Variants in NELL2 observed in about 807,000 individuals in gnomAD.
The protein encoded by NELL2 is protein kinase C-binding protein NELL2.
NELL2 carries 41 observed loss-of-function variants against 109.6 expected under a neutral mutation model. The ratio of observed to expected loss-of-function variants is 0.37; its 90% CI spans 0.29 to 0.49. The LOEUF is 0.49. Ranked by LOEUF, NELL2 falls within the 20% of genes least tolerant of loss-of-function variation. The pLI, the probability that NELL2 is intolerant of heterozygous loss-of-function variation, is 0.98. For synonymous variants in NELL2, 355 were observed against 344.7 expected (o/e 1.03, Z -0.33); for missense variants, 900 against 1,008.3 (o/e 0.89, Z 1.45).
chr12:44,593,180 T>A (rs994372856), intron 15 of NELL2, among the ~76,000 whole-genome samples: 2 of 151,848 alleles, frequency 1.3e-5, no homozygotes, highest in African/African-American at 4.8e-5. Flanking sequence ...GGAGTGGGAG[T>A]TAAGCTTAGG....
chr12:44,896,788 C>T (rs1472418891), intron 1 of NELL2, among the ~76,000 whole-genome samples: 1 of 152,108 alleles, frequency 6.6e-6, no homozygotes, highest in African/African-American at 2.4e-5. Flanking sequence ...ATGGATGACA[C>T]ACCAGAAGCA....
At chr12:44,806,125 T>G (rs1237250419) in intron 3 of NELL2, among the ~76,000 whole-genome samples, 1 of 151,516 alleles carries the variant, frequency 6.6e-6, no homozygotes, top group East Asian at 1.9e-4. Flanking sequence ...AAAAAAACCA[T>G]AAAAACTTAA....
rs191393994 is a variant in NELL2, at chr12:44,601,691, G to C, written c.1663+5478C>G. On this transcript the variant is annotated intron_variant, in intron 15 of 19. Transcript: ENST00000429094. ...AAAATTTACAAAATCATCATATCAG[G>C]TGTCATTTACTGAGTGCTTACCAAG... 1.4e-4 allele frequency among the ~76,000 whole-genome samples: 22 copies of C among 152,138 alleles called. No homozygotes were observed. The East Asian group carries it at 3.9e-3, about 27-fold the overall frequency.
intron 15 of NELL2, among the ~76,000 whole-genome samples, chr12:44,589,673 T>C (rs1010628402): frequency 2.0e-4 from 30 of 152,300 alleles, no homozygotes; most frequent in African/African-American, 7.2e-4. Flanking sequence ...GAAGAGACAC[T>C]ACTTTTAAGC....
At chr12:44,582,818 T>C (rs962385402) in intron 15 of NELL2, among the ~76,000 whole-genome samples, 1 of 152,058 alleles carries the variant, frequency 6.6e-6, no homozygotes, top group Non-Finnish European at 1.5e-5. Flanking sequence ...TGTTGGGAGA[T>C]AAGGCCCAAC....
Position 44,714,699 on chromosome 12 carries a change from C to A in NELL2, c.1037G>T (p.Arg346Ile). 6.2e-7 allele frequency: 1 copy of A among 1,603,658 alleles called. No individual in the cohort carries two copies. Reference sequence around the variant, plus strand: ...TCCAGAAGAGGAATAGACTGTATTTCTTTCTCCTTCAAAGTAGGTTCGTCC... The same window carrying A: ...TCCAGAAGAGGAATAGACTGTATTTATTTCTCCTTCAAAGTAGGTTCGTCC... The part of the protein sequence containing the change: ...FQGRTYFEGE[R>I]NTVYSSSGVC... Residue 346 changes from arginine (R) to isoleucine (I), a missense_variant, in exon 10 of 20, where the codon AGA becomes ATA. By Grantham distance (97) the Arg-to-Ile change is moderately conservative (BLOSUM62 -3). Coordinates refer to ENST00000429094, the MANE Select transcript of NELL2 (RefSeq NM_001145108.2).
At chr12:44,873,750 A>C (rs2710425) in intron 2 of NELL2, among the ~76,000 whole-genome samples, 3 of 151,134 alleles carry the variant, frequency 2.0e-5, no homozygotes. Flanking sequence ...ACAACAAAAA[A>C]AAAAAAACAG....
At chr12:44,582,737 T>C (rs769050630) in intron 15 of NELL2, among the ~76,000 whole-genome samples, 1 of 152,090 alleles carries the variant, frequency 6.6e-6, no homozygotes, top group Non-Finnish European at 1.5e-5. Flanking sequence ...GAACAGAGTA[T>C]TGTTTGGTGC....
intron 2 of NELL2, among the ~76,000 whole-genome samples, chr12:44,855,251 T>C (rs2136789417): frequency 6.6e-6 from 1 of 152,284 alleles, no homozygotes; most frequent in African/African-American, 2.4e-5. Flanking sequence ...AACATCAGAA[T>C]CACAGGAAAC....
chr12:44,662,394 A>G (rs1184027290), intron 13 of NELL2, among the ~76,000 whole-genome samples: 2 of 152,202 alleles, frequency 1.3e-5, no homozygotes, highest in Non-Finnish European at 2.9e-5. Flanking sequence ...TTAGACAAAC[A>G]GTGAATAGTA....
intron 15 of NELL2, among the ~76,000 whole-genome samples, chr12:44,588,434 A>C (rs1054562281): frequency 6.6e-6 from 1 of 152,146 alleles, no homozygotes; most frequent in Non-Finnish European, 1.5e-5. Flanking sequence ...TGCACTCTAG[A>C]GGCCCCTCAG....
intron 5 of NELL2, among the ~76,000 whole-genome samples, chr12:44,778,321 C>T (rs1472353830): frequency 1.3e-5 from 2 of 152,076 alleles, no homozygotes; most frequent in African/African-American, 4.8e-5. Context: ...AGTATTTTTA[C>T]TGTGTGGGTA....
chr12:44,561,357 G>C (rs967833232), intron 15 of NELL2, among the ~76,000 whole-genome samples: 2 of 151,876 alleles, frequency 1.3e-5, no homozygotes, highest in South Asian at 2.1e-4. Context: ...AGCAATAAAG[G>C]GTATTCAAAT....
At chr12:44,687,572 T>C (rs1948767327) in intron 12 of NELL2, among the ~76,000 whole-genome samples, 1 of 152,224 alleles carries the variant, frequency 6.6e-6, no homozygotes, top group African/African-American at 2.4e-5. Context: ...CTAGAGTTAG[T>C]TCTTCTTTTT....
intron 12 of NELL2, among the ~76,000 whole-genome samples, chr12:44,689,787 G>A (rs1378254379): frequency 1.3e-5 from 2 of 152,190 alleles, no homozygotes; most frequent in East Asian, 3.8e-4. Flanking sequence ...CTGGCATCTA[G>A]TGGGTAGAGA....
chr12:44,835,540 G>T (rs905100918), intron 2 of NELL2, among the ~76,000 whole-genome samples: 1 of 152,178 alleles, frequency 6.6e-6, no homozygotes, highest in Non-Finnish European at 1.5e-5. Context: ...GCCAACACAC[G>T]CATTCTTACT....
chr12:44,563,862 C>T (rs993632284), intron 15 of NELL2, among the ~76,000 whole-genome samples: 1 of 152,158 alleles, frequency 6.6e-6, no homozygotes, highest in Admixed American at 6.5e-5. Context: ...CAGAGAATTA[C>T]CAGTTTGCTT....
At chr12:44,674,933 A>G (rs533544792) in intron 12 of NELL2, among the ~76,000 whole-genome samples, 180 of 152,292 alleles carry the variant, frequency 1.2e-3, no homozygotes, top group African/African-American at 4.3e-3. Context: ...AAGATTCAAG[A>G]GGGTAGAGAG....
intron 3 of NELL2, among the ~76,000 whole-genome samples, chr12:44,791,098 T>TATATATATATACAC: frequency 6.1e-5 from 1 of 16,336 alleles, no homozygotes; most frequent in South Asian, 1.6e-3. Flanking sequence ...TATATATATG[T>TATATATATATACAC]ATATATATAT....
Sources: allele counts gnomAD v4.1 joint callset (sites outside exome capture counted in the v4.1 genomes callset), GRCh38; gene constraint gnomAD v4.1.1; transcripts MANE v1.5; gene names NCBI Gene and HGNC (gene_info 2026-07-23, HGNC 2026-07-21).